The following CTCF variants were observed in gnomAD, a reference collection of about 807,000 sequenced individuals.
CTCF encodes the protein CCCTC-binding factor, also known as transcriptional repressor CTCF.
A neutral mutation model predicts 72.3 loss-of-function variants in CTCF; 7 were observed. That is an observed-to-expected ratio of 0.10 (90% CI 0.06 to 0.18). The LOEUF is 0.18. Among genes scored for constraint, CTCF ranks in the 10% least tolerant of loss-of-function variants. The pLI, the probability that CTCF is intolerant of heterozygous loss-of-function variation, is 1.00. For missense variants in CTCF, 516 were observed against 949.1 expected (o/e 0.54, Z 6.00); for synonymous variants, 374 against 315.8 (o/e 1.18, Z -1.95).
chr16:67,576,109 C>G (rs1032141525), intron 2 of CTCF, among the ~76,000 whole-genome samples: 1 of 139,160 alleles, frequency 7.2e-6, no homozygotes, highest in African/African-American at 2.7e-5. Flanking sequence ...TGCATGCACT[C>G]TAGCCTGGGT....
chr16:67,613,188 C>T (rs114984401), intron 4 of CTCF, among the ~76,000 whole-genome samples: 5,049 of 152,266 alleles, frequency 0.033, 132 homozygotes, highest in South Asian at 0.06. Context: ...TATTTGTTAT[C>T]CCAGTGTAGG....
intron 2 of CTCF, among the ~76,000 whole-genome samples, chr16:67,581,801 C>T (rs1373175820): frequency 6.6e-6 from 1 of 152,086 alleles, no homozygotes; most frequent in Non-Finnish European, 1.5e-5. Flanking sequence ...TAGCACACAG[C>T]GCTAATTTTT....
intron 2 of CTCF, among the ~76,000 whole-genome samples, chr16:67,584,248 G>A (rs1340762716): frequency 6.6e-6 from 1 of 151,676 alleles, no homozygotes; most frequent in Non-Finnish European, 1.5e-5. Context: ...CTTCAACTTG[G>A]GAGGTGGAGG....
At chr16:67,609,548 C>T (rs1297327906) in intron 2 of CTCF, among the ~76,000 whole-genome samples, 1 of 151,916 alleles carries the variant, frequency 6.6e-6, no homozygotes, top group East Asian at 1.9e-4. Flanking sequence ...TGATTGATTA[C>T]TGTCTCTTTA....
At chr16:67,592,799 G>A (rs2051763038) in intron 2 of CTCF, among the ~76,000 whole-genome samples, 1 of 151,924 alleles carries the variant, frequency 6.6e-6, no homozygotes, top group South Asian at 2.1e-4. Flanking sequence ...GGCCGAGGTG[G>A]GTGGATCACT....
chr16:67,616,776 C>T lies in CTCF; in HGVS notation c.984C>T (p.Asp328=), dbSNP rs1294091835. The stretch of plus-strand genomic sequence containing the variant: ...GTCCTCACAAGTGCCCAGACTGCGA[C>T]ATGGCCTTTGTGACCAGTGGAGAAT... The part of the protein sequence containing the change: ...GTRPHKCPDC[D]MAFVTSGELV... The change falls in exon 5 of 12, where the codon GAC becomes GAT. Residue 328 remains aspartate (D), a synonymous_variant. Transcript: ENST00000264010. The T allele has an allele frequency of 8.7e-6, 14 of 1,614,088 alleles. No individual in the cohort carries two copies. Among genetic ancestry groups the T allele is most frequent in the Non-Finnish European group, 1.1e-5 (13 of 1,180,038 alleles).
At chr16:67,571,298 A>G (rs2051415730) in intron 2 of CTCF, 34 bp downstream of exon 2, 1 of 152,606 alleles carries the variant, frequency 6.6e-6, no homozygotes, top group Non-Finnish European at 1.5e-5. Flanking sequence ...TATCTTAAAA[A>G]TGGTAGTAAT....
At chr16:67,620,843 A>G (rs748670709) in intron 6 of CTCF, 26 bp downstream of exon 6, 2 of 1,527,992 alleles carry the variant, frequency 1.3e-6, no homozygotes, top group African/African-American at 1.4e-5. Context: ...TCCTTACTGT[A>G]TTAATGAGCT....
chr16:67,616,485 A>AT (rs1221482047), intron 4 of CTCF: 3 of 421,496 alleles, frequency 7.1e-6, no homozygotes, highest in African/African-American at 2.0e-5. Context: ...GAAGGTTTTT[A>AT]TTGTATTCAA....
chr16:67,613,313 T>A (rs2052085423), intron 4 of CTCF, among the ~76,000 whole-genome samples: 1 of 152,244 alleles, frequency 6.6e-6, no homozygotes, highest in Non-Finnish European at 1.5e-5. Flanking sequence ...AACCCTTGTT[T>A]TAGATTTGTT....
chr16:67,594,588 TC>T (rs2051787764), intron 2 of CTCF, among the ~76,000 whole-genome samples: 1 of 152,036 alleles, frequency 6.6e-6, no homozygotes, highest in South Asian at 2.1e-4. Flanking sequence ...TAAAAAAACT[TC>T]GCATCACTAA....
intron 2 of CTCF, among the ~76,000 whole-genome samples, chr16:67,574,128 C>G (rs1324022201): frequency 6.6e-6 from 1 of 152,072 alleles, no homozygotes; most frequent in Non-Finnish European, 1.5e-5. Flanking sequence ...CACCATCTAC[C>G]CAAGATGGTG....
intron 2 of CTCF, among the ~76,000 whole-genome samples, chr16:67,592,877 A>AT (rs979187365): frequency 6.6e-6 from 1 of 151,512 alleles, no homozygotes; most frequent in African/African-American, 2.4e-5. Flanking sequence ...AAATACAAAA[A>AT]TTAGCGGGGC....
rs2142867034 is a variant in CTCF, at chr16:67,628,547, C to T, written c.1696C>T (p.Arg566Cys). Residue 566 changes from arginine to cysteine, a missense_variant, in exon 9 of 12, where the codon CGT becomes TGT. Physicochemically the swap from Arg to Cys is radical, Grantham distance 180. This residue lies in a region of CTCF where 81 missense variants were observed against 184.3 expected (regional missense o/e 0.44). Transcript: ENST00000264010. ...TTCTAAGTGTGGGAAAACATTTACA[C>T]GTCGGGTAAGGGTCAGAACTTCACT... ...VCSKCGKTFT[R>C]RNTMARHADN... is the part of the protein sequence containing the mutation. 6.2e-7 allele frequency: 1 copy of T among 1,613,854 alleles called. No individual in the cohort carries two copies. Among genetic ancestry groups the T allele is most frequent in the Non-Finnish European group, 8.5e-7 (1 of 1,179,754 alleles).
intron 5 of CTCF, among the ~76,000 whole-genome samples, chr16:67,619,729 ATG>A (rs1195107596): frequency 6.6e-6 from 1 of 152,144 alleles, no homozygotes; most frequent in Non-Finnish European, 1.5e-5. Context: ...GACTACAGGC[ATG>A]TGCCATCACA....
chr16:67,593,046 A>C (rs922122081), intron 2 of CTCF, among the ~76,000 whole-genome samples: 1 of 149,198 alleles, frequency 6.7e-6, no homozygotes, highest in African/African-American at 2.4e-5. Flanking sequence ...ATTTATATAT[A>C]TATGTATAAA....
At chr16:67,619,354 T>C (rs1652554838) in intron 5 of CTCF, among the ~76,000 whole-genome samples, 1 of 152,104 alleles carries the variant, frequency 6.6e-6, no homozygotes, top group African/African-American at 2.4e-5. Context: ...GAGAATTGCT[T>C]GACCCTGGGA....
chr16:67,603,325 C>T (rs181771882), intron 2 of CTCF, among the ~76,000 whole-genome samples: 184 of 151,538 alleles, frequency 1.2e-3, no homozygotes, highest in Non-Finnish European at 2.3e-3. Context: ...GTCAGGAGAT[C>T]GAGACCATCC....
At position 67,628,359 on chromosome 16, in the gene CTCF, T is replaced by C. The variant is rs1245183781; in HGVS notation, c.1519-11T>C. On this transcript the variant is annotated splice_polypyrimidine_tract_variant and intron_variant, in intron 8 of 11. Coordinates refer to ENST00000264010, the MANE Select transcript of CTCF (RefSeq NM_006565.4). The stretch of plus-strand genomic sequence containing the variant: ...GCAGGCTCTGAGGCCTTTCCCCCTA[T>C]GCCGTTTCAGGAGAGGCACATGATC... 6.2e-7 allele frequency: 1 copy of C among 1,611,580 alleles called. No individual in the cohort carries two copies. The highest frequency in any genetic ancestry group is 1.3e-5 in the African/African-American group (1 of 74,874).
Sources: gnomAD v4.1 joint callset for allele counts (sites outside exome capture counted in the v4.1 genomes callset) on GRCh38, gnomAD v4.1.1 for gene constraint, gnomAD v4.1.1 regional missense constraint, MANE v1.5 for transcripts, NCBI Gene and HGNC (gene_info 2026-07-23, HGNC 2026-07-21) for gene names.